RUNX1: variants seen among roughly 807,000 people sequenced by gnomAD.
RUNX1 encodes RUNX family transcription factor 1.
RUNX1 carries 19 observed loss-of-function variants against 42.8 expected under a neutral mutation model. The ratio of observed to expected loss-of-function variants is 0.44; its 90% CI spans 0.31 to 0.65. The LOEUF (loss-of-function observed/expected upper bound fraction) is 0.65. RUNX1 is among the 30% of genes least tolerant of loss of function. The pLI, the probability that RUNX1 is intolerant of heterozygous loss-of-function variation, is 0.07. For synonymous variants in RUNX1, 271 were observed against 289.4 expected, an observed-to-expected ratio of 0.94 and a Z score of 0.64; for missense variants, 528 against 672.0, an observed-to-expected ratio of 0.79 and a Z score of 2.37.
intron 2 of RUNX1, among the ~76,000 whole-genome samples, chr21:35,022,906 A>ATAAT (rs1353022740): frequency 6.7e-6 from 1 of 150,004 alleles, no homozygotes; most frequent in Non-Finnish European, 1.5e-5. Context: ...AATAATAATA[A>ATAAT]TAATAATAAT....
chr21:35,044,092 G>A (rs1452764893), intron 2 of RUNX1, among the ~76,000 whole-genome samples: 1 of 152,198 alleles, frequency 6.6e-6, no homozygotes, highest in Non-Finnish European at 1.5e-5. Flanking sequence ...ATTTCATAAA[G>A]GGCTCTCGTT....
At chr21:34,835,895 C>T (rs1569038855) in intron 6 of RUNX1, among the ~76,000 whole-genome samples, 1 of 152,218 alleles carries the variant, frequency 6.6e-6, no homozygotes, top group Non-Finnish European at 1.5e-5. Context: ...GAGAAGTGCA[C>T]TGTAGTCCAG....
rs536494856 is a variant in RUNX1, at chr21:34,887,749, G to A, written c.98-653C>T. The A allele has an allele frequency of 4.7e-6, 5 of 1,060,940 alleles. No homozygotes were observed. The Admixed American group carries it at 2.7e-4, about 56-fold the overall frequency. 65.7% of individuals were successfully genotyped at this position (1,060,940 alleles called of 1,614,324 possible). On this transcript the variant is annotated intron_variant, in intron 3 of 8. Coordinates refer to ENST00000675419, the MANE Select transcript of RUNX1 (RefSeq NM_001754.5). The stretch of plus-strand genomic sequence containing the variant: ...TCATAAAATATTTACAATACAATCT[G>A]TGGAGAATTTAAACACAACAGAAAT...
chr21:35,016,249 C>G (rs1449901583), intron 2 of RUNX1, among the ~76,000 whole-genome samples: 1 of 152,218 alleles, frequency 6.6e-6, no homozygotes, highest in East Asian at 1.9e-4. Context: ...CTCTCTGCTT[C>G]CCTTGCGCGT....
intron 4 of RUNX1, among the ~76,000 whole-genome samples, chr21:34,883,236 C>T (rs1489028610): frequency 6.6e-6 from 1 of 152,098 alleles, no homozygotes; most frequent in Non-Finnish European, 1.5e-5. Flanking sequence ...AAGTTTAACT[C>T]CCACTCCTCT....
chr21:34,799,508 T>C, intron 7 of RUNX1, 46 bp from the exon 8 acceptor site: 2 of 1,564,016 alleles, frequency 1.3e-6, no homozygotes, highest in Non-Finnish European at 1.8e-6. Flanking sequence ...TGGGGTGGGA[T>C]TTAAAAAATG....
intron 2 of RUNX1, among the ~76,000 whole-genome samples, chr21:34,939,103 T>C (rs2058507678): frequency 6.6e-6 from 1 of 152,228 alleles, no homozygotes; most frequent in African/African-American, 2.4e-5. Context: ...TGATACTTTG[T>C]AAAAACAAGT....
At chr21:34,827,346 A>G (rs2057002302) in intron 7 of RUNX1, among the ~76,000 whole-genome samples, 1 of 152,244 alleles carries the variant, frequency 6.6e-6, no homozygotes, top group Non-Finnish European at 1.5e-5. Context: ...TGACTTAAAG[A>G]TGAAATTTGC....
chr21:34,848,813 T>G (rs1569050991), intron 6 of RUNX1, among the ~76,000 whole-genome samples: 1 of 152,170 alleles, frequency 6.6e-6, no homozygotes, highest in Non-Finnish European at 1.5e-5. Context: ...CTCCGCATAT[T>G]TCTCCTAGCT....
chr21:35,000,919 G>A (rs1040730960), intron 2 of RUNX1, among the ~76,000 whole-genome samples: 2 of 152,208 alleles, frequency 1.3e-5, no homozygotes, highest in Non-Finnish European at 2.9e-5. Context: ...GGATAAGGCA[G>A]CAGAAAGCAA....
At position 35,049,260 on chromosome 21, in the gene RUNX1, C is replaced by A; in HGVS notation, c.-152G>T. The stretch of plus-strand genomic sequence containing the variant: ...TCAGACTTCTGACACTGCCAGGCTA[C>A]CCAACTTGTGGTTCTGTGGTTGTTT... On this transcript the variant is annotated 5_prime_UTR_variant, in exon 1 of 9. Transcript: ENST00000675419. The A allele has an allele frequency of 3.8e-6, 1 of 265,870 alleles. No individual in the cohort carries two copies. The highest frequency in any genetic ancestry group is 4.8e-5 in the South Asian group (1 of 20,660). 16.5% of individuals were successfully genotyped at this position (265,870 alleles called of 1,614,324 possible). A position where few individuals can be genotyped will look rare whatever the true frequency, so the allele number is the denominator to read the frequency against.
intron 2 of RUNX1, among the ~76,000 whole-genome samples, chr21:34,905,940 G>A (rs1210359155): frequency 6.6e-6 from 1 of 152,122 alleles, no homozygotes; most frequent in Non-Finnish European, 1.5e-5. Context: ...TTGAAGCCCT[G>A]AGTATGTATA....
At chr21:35,004,391 A>G (rs2059068532) in intron 2 of RUNX1, among the ~76,000 whole-genome samples, 1 of 152,228 alleles carries the variant, frequency 6.6e-6, no homozygotes, top group Non-Finnish European at 1.5e-5. Flanking sequence ...TTGCTTGGCC[A>G]TAGTGGCTCC....
In RUNX1 at chr21:35,049,215, T is replaced by C; in HGVS notation, c.-107A>G. The C allele has an allele frequency of 2.6e-6, 1 of 386,298 alleles. No individual in the cohort carries two copies. The highest frequency in any genetic ancestry group is 4.8e-6 in the Non-Finnish European group (1 of 206,748). 23.9% of individuals were successfully genotyped at this position (386,298 alleles called of 1,614,324 possible). On this transcript the variant is annotated 5_prime_UTR_variant, in exon 1 of 9. Coordinates refer to ENST00000675419, the MANE Select transcript of RUNX1 (RefSeq NM_001754.5). ...TGCATTCAGTGTGATTCGTCCTGCCTGCTGACCACTATGCTGGGTTCAGAC... is the reference window on the plus strand; with the variant it reads ...TGCATTCAGTGTGATTCGTCCTGCCCGCTGACCACTATGCTGGGTTCAGAC...
At chr21:34,831,791 G>T (rs2057067274) in intron 7 of RUNX1, among the ~76,000 whole-genome samples, 1 of 152,044 alleles carries the variant, frequency 6.6e-6, no homozygotes, top group African/African-American at 2.4e-5. Context: ...CAAACTGAAG[G>T]TCTTGGCTGA....
intron 2 of RUNX1, among the ~76,000 whole-genome samples, chr21:35,043,498 G>A (rs777241691): frequency 6.6e-6 from 1 of 152,192 alleles, no homozygotes; most frequent in Non-Finnish European, 1.5e-5. Flanking sequence ...GTGAAATGAT[G>A]GGAGAACTAT....
chr21:35,040,527 A>G (rs995132579), intron 2 of RUNX1, among the ~76,000 whole-genome samples: 7 of 151,994 alleles, frequency 4.6e-5, no homozygotes, highest in African/African-American at 1.7e-4. Context: ...TAATCCCAGC[A>G]TTTTGGGAGG....
At chr21:34,890,951 C>G (rs1601538935) in intron 3 of RUNX1, among the ~76,000 whole-genome samples, 2 of 152,266 alleles carry the variant, frequency 1.3e-5, no homozygotes, top group South Asian at 4.1e-4. Context: ...GTGCATCCCC[C>G]GGAACCCCCG....
chr21:35,040,629 G>A (rs1341968108), intron 2 of RUNX1, among the ~76,000 whole-genome samples: 7 of 151,914 alleles, frequency 4.6e-5, no homozygotes, highest in Middle Eastern at 6.8e-3. Flanking sequence ...AAAATTAGCC[G>A]GGCGTGGTGG....
Sources: allele counts gnomAD v4.1 joint callset (sites outside exome capture counted in the v4.1 genomes callset), GRCh38; gene constraint gnomAD v4.1.1; transcripts MANE v1.5; gene names NCBI Gene and HGNC (gene_info 2026-07-23, HGNC 2026-07-21).